The following NEB variants were observed in gnomAD, a reference collection of about 807,000 sequenced individuals.
NEB encodes the protein nemaline myopathy type 2.
Under a neutral mutation model 952.2 loss-of-function variants are expected in NEB, and 512 were observed. The ratio of observed to expected loss-of-function variants is 0.54; its 90% CI spans 0.50 to 0.58. NEB has a LOEUF of 0.58. Among genes scored for constraint, NEB ranks in the 20% least tolerant of loss-of-function variants. The pLI is 0.00. For missense variants in NEB, 8,428 were observed against 9,231.1 expected, an observed-to-expected ratio of 0.91 and a Z score of 3.56; for synonymous variants, 2,900 against 3,149.8, an observed-to-expected ratio of 0.92 and a Z score of 2.66.
chr2:151,678,949 C>G (rs965159096), intron 32 of NEB, among the ~76,000 whole-genome samples: 2 of 152,126 alleles, frequency 1.3e-5, no homozygotes, highest in Non-Finnish European at 2.9e-5. Flanking sequence ...TTCAAACAAT[C>G]AGTAAAGTGG....
intron 153 of NEB, among the ~76,000 whole-genome samples, chr2:151,520,910 G>A (rs899163417): frequency 2.6e-5 from 4 of 152,160 alleles, no homozygotes; most frequent in Admixed American, 1.3e-4. Context: ...CAACAGAATG[G>A]AAAGTGACAG....
chr2:151,634,227 G>A (rs1445415417), intron 64 of NEB, among the ~76,000 whole-genome samples: 2 of 152,218 alleles, frequency 1.3e-5, no homozygotes, highest in Admixed American at 1.3e-4. Context: ...CATATGTGGG[G>A]AAAAGGTCAC....
intron 134 of NEB, 34 bp downstream of exon 134, chr2:151,546,311 G>C (rs770320722): frequency 6.5e-7 from 1 of 1,532,326 alleles, no homozygotes; most frequent in Non-Finnish European, 9.0e-7. Flanking sequence ...AGCTGTGCGG[G>C]GGGTAATTAT....
intron 9 of NEB, among the ~76,000 whole-genome samples, chr2:151,722,402 T>C (rs2099776952): frequency 6.6e-6 from 1 of 152,200 alleles, no homozygotes; most frequent in South Asian, 2.1e-4. Flanking sequence ...CATACAGTTT[T>C]CAAGGTCTAG....
Position 151,672,513 on chromosome 2 carries a change from C to T in NEB, c.4155G>A (p.Gly1385=), listed in dbSNP as rs1230634788. The part of the protein sequence containing the change: ...ENTKTSYHTP[G]DMVSITAAKM... ...TTGCAGCTGTGATGCTAACCATGTC[C>T]CCAGGGGTATGGTAGCTGGTTTTGG... is the stretch of plus-strand genomic sequence containing the variant. The change falls in exon 37 of 182, where the codon GGG becomes GGA. Residue 1385 remains glycine, a synonymous_variant. Coordinates refer to ENST00000397345, the MANE Select transcript of NEB (RefSeq NM_001164508.2). The T allele has an allele frequency of 6.2e-7, 1 of 1,613,878 alleles. No individual in the cohort carries two copies. The highest frequency in any genetic ancestry group is 1.1e-5 in the South Asian group (1 of 91,072).
Position 151,640,645 on chromosome 2 carries a change from G to A in NEB, c.8395C>T (p.Arg2799Cys), listed in dbSNP as rs779321118. ...CCAATGTGGTGGCCGAGCTGCTTAC[G>A]ATAGCCTTCTTTGTACTTGAACTAA... The part of the protein sequence containing the change: ...ASEFKYKEGY[R>C]KQLGHHIGAR... The change falls in exon 61 of 182, where the codon CGT becomes TGT. Residue 2799 changes from arginine to cysteine, a missense_variant. By Grantham distance (180) the Arg-to-Cys change is radical. Coordinates refer to ENST00000397345, the MANE Select transcript of NEB (RefSeq NM_001164508.2). 29 of 1,612,666 alleles carry A rather than the reference G, an allele frequency of 1.8e-5. No homozygotes were observed. Among genetic ancestry groups the A allele is most frequent in the East Asian group, 1.1e-4 (5 of 44,848 alleles).
In NEB at chr2:151,650,196, T is replaced by C. The variant is rs1558814644; in HGVS notation, c.7411A>G (p.Asn2471Asp). The change falls in exon 54 of 182, where the codon AAT becomes GAT. Residue 2471 changes from asparagine (N) to aspartate (D), a missense_variant. Physicochemically the swap from Asn to Asp is conservative, Grantham distance 23. Coordinates refer to ENST00000397345, the MANE Select transcript of NEB (RefSeq NM_001164508.2). Reference sequence around the variant, plus strand: ...CTCACATCACTCCTATTTTTGGCATTTGTCTTTGCCAGAACTATATCCATG... The same window carrying C: ...CTCACATCACTCCTATTTTTGGCATCTGTCTTTGCCAGAACTATATCCATG... ...DAMDIVLAKT[N>D]AKNRSDRLYR... 2 of 1,613,920 alleles carry C rather than the reference T, an allele frequency of 1.2e-6. No homozygotes were observed. The highest frequency in any genetic ancestry group is 1.7e-6 in the Non-Finnish European group (2 of 1,179,832).
chr2:151,562,722 G>A lies in NEB; in HGVS notation c.18780C>T (p.Cys6260=), dbSNP rs2096147483. 6.2e-7 allele frequency: 1 copy of A among 1,605,034 alleles called. No homozygotes were observed. The highest frequency in any genetic ancestry group is 1.1e-5 in the South Asian group (1 of 89,224). Residue 6260 remains cysteine, a synonymous_variant, in exon 120 of 182, where the codon TGC becomes TGT. Coordinates refer to ENST00000397345, the MANE Select transcript of NEB (RefSeq NM_001164508.2). ...DMMNHVLAKR[C]QYILSDLEYR... is the part of the protein sequence containing the mutation. ...ACTCCAGGTCACTGAGGATGTACTG[G>A]CACCTTTTAGCCAGCACGTGATTCA...
chr2:151,496,209 A>G, intron 173 of NEB, 67 bp downstream of exon 173: 1 of 1,417,866 alleles, frequency 7.1e-7, no homozygotes, highest in South Asian at 1.3e-5. Context: ...ATTAATATGT[A>G]TTATTTTAAA....
chr2:151,709,543 GT>G, intron 12 of NEB, 112 bp downstream of exon 12: 1 of 737,178 alleles, frequency 1.4e-6, no homozygotes, highest in Non-Finnish European at 2.3e-6. Flanking sequence ...AGCCCTGGTA[GT>G]TCCCCCAAGA....
chr2:151,685,583 C>T (rs1256908459), intron 27 of NEB, among the ~76,000 whole-genome samples: 2 of 152,146 alleles, frequency 1.3e-5, no homozygotes, highest in African/African-American at 4.8e-5. Flanking sequence ...AAAGACTTCA[C>T]AGGAGAAAAG....
intron 62 of NEB, 58 bp downstream of exon 62, chr2:151,639,799 C>A (rs2098825123): frequency 1.4e-6 from 2 of 1,415,160 alleles, no homozygotes; most frequent in Non-Finnish European, 1.9e-6. Flanking sequence ...ATTAATGTTT[C>A]TTTTTTGTTG....
chr2:151,607,580 T>C lies in NEB; in HGVS notation c.12563A>G (p.Asp4188Gly), dbSNP rs1018643594. The change falls in exon 83 of 182, where the codon GAT becomes GGT. Residue 4188 changes from aspartate to glycine, a missense_variant. Around this residue, in one of 11 missense-constraint regions of NEB, gnomAD observed 14 missense variants for 46.4 expected, o/e 0.30. Transcript: ENST00000397345. Reference protein sequence around the residue: ...EKLYQEAWNKDKSNITIPSDT... With the variant: ...EKLYQEAWNKGKSNITIPSDT... ...AGAAGGAATGGTGATGTTGCTTTTA[T>C]CTTTATTCCAGGCTTCCTGATACAG... is the stretch of plus-strand genomic sequence containing the variant. The C allele has an allele frequency of 1.0e-5, 7 of 673,388 alleles. 1 individual carries two copies. The African/African-American group carries it at 1.2e-4, about 12-fold the overall frequency. The allele number at this position is 673,388 out of a possible 1,614,324, so 41.7% of individuals were successfully genotyped here.
intron 107 of NEB, among the ~76,000 whole-genome samples, chr2:151,573,044 C>A (rs543247547): frequency 3.3e-5 from 5 of 152,174 alleles, no homozygotes; most frequent in African/African-American, 1.2e-4. Flanking sequence ...GTCACTTTAA[C>A]GTGAATTTGC....
At chr2:151,527,404 G>T (rs1004021676) in intron 147 of NEB, 77 bp downstream of exon 147, 13 of 1,127,762 alleles carry the variant, frequency 1.2e-5, no homozygotes, top group Non-Finnish European at 1.4e-5. Flanking sequence ...CATGATAGTG[G>T]TTATTATAAA....
At chr2:151,550,437 G>A (rs2095247376) in intron 129 of NEB, among the ~76,000 whole-genome samples, 2 of 152,036 alleles carry the variant, frequency 1.3e-5, no homozygotes, top group Admixed American at 6.6e-5. Flanking sequence ...CCATCACGAA[G>A]ATATAGCCAG....
chr2:151,531,462 A>G (rs2090917290), intron 144 of NEB, among the ~76,000 whole-genome samples: 1 of 151,828 alleles, frequency 6.6e-6, no homozygotes, highest in South Asian at 2.1e-4. Flanking sequence ...GACCACAGGC[A>G]TGCACCACTG....
At chr2:151,658,912 C>T (rs188766723) in intron 47 of NEB, among the ~76,000 whole-genome samples, 153 bp downstream of exon 47, 141 of 152,230 alleles carry the variant, frequency 9.3e-4, no homozygotes, top group African/African-American at 3.1e-3. Flanking sequence ...ACTCCAACTC[C>T]GCAAAGCAAA....
In NEB at chr2:151,490,080, GA is replaced by G. The variant is rs757290966; in HGVS notation, c.25298-4del. On this transcript the variant is annotated splice_polypyrimidine_tract_variant and splice_region_variant and intron_variant, in intron 180 of 181. Coordinates refer to ENST00000397345, the MANE Select transcript of NEB (RefSeq NM_001164508.2). The stretch of plus-strand genomic sequence containing the variant: ...TGTGGTTTTTGCATGTTTGTAAGCT[GA>G]AAAAAAGGGGGCAAATTCTTTATAA... 13 of 1,591,644 alleles carry G rather than the reference GA, an allele frequency of 8.2e-6. No homozygotes were observed. The highest frequency in any genetic ancestry group is 2.7e-5 in the African/African-American group (2 of 73,702).
Sources: allele counts gnomAD v4.1 joint callset (sites outside exome capture counted in the v4.1 genomes callset), GRCh38; gene constraint gnomAD v4.1.1; regional missense constraint gnomAD v4.1.1; transcripts MANE v1.5; gene names NCBI Gene and HGNC (gene_info 2026-07-23, HGNC 2026-07-21).